SLC26A7: variants seen among roughly 807,000 people sequenced by gnomAD.
The protein encoded by SLC26A7 is anion exchange transporter.
Under a neutral mutation model 82.5 loss-of-function variants are expected in SLC26A7, and 59 were observed. The ratio of observed to expected loss-of-function variants is 0.72; its 90% CI spans 0.58 to 0.89. The LOEUF is 0.89. Ranked by LOEUF, SLC26A7 falls within the 40% of genes least tolerant of loss-of-function variation. SLC26A7 has a pLI of 0.00. For synonymous variants in SLC26A7, 271 were observed against 274.3 expected (o/e 0.99, Z 0.12); for missense variants, 820 against 793.0 (o/e 1.03, Z -0.41).
At chr8:91,389,285 C>A in intron 15 of SLC26A7, 53 bp from the exon 16 acceptor site, 2 of 1,311,496 alleles carry the variant, frequency 1.5e-6, no homozygotes, top group Non-Finnish European at 2.2e-6. Context: ...ACAAAGCCAG[C>A]AGCAGAAGTC....
intron 1 of SLC26A7, among the ~76,000 whole-genome samples, chr8:91,216,888 A>G (rs1342615754): frequency 6.6e-6 from 1 of 152,136 alleles, no homozygotes; most frequent in Non-Finnish European, 1.5e-5. Flanking sequence ...TGTTTCCCCA[A>G]TACAATGTGC....
At chr8:91,370,197 C>CCTT (rs34869127) in intron 15 of SLC26A7, among the ~76,000 whole-genome samples, 68,304 of 147,984 alleles carry the variant, frequency 0.46, 17,425 homozygotes, top group African/African-American at 0.66. Context: ...TCTATTTTCT[C>CCTT]CTCCTTTCTC....
intron 15 of SLC26A7, among the ~76,000 whole-genome samples, chr8:91,384,555 C>G (rs1814747902): frequency 6.6e-6 from 1 of 152,184 alleles, no homozygotes; most frequent in Admixed American, 6.6e-5. Context: ...GTCCATCACA[C>G]AAGGTCTCCT....
chr8:91,265,831 C>T lies in SLC26A7; in HGVS notation c.193+15987C>T, dbSNP rs540144024. Reference sequence around the variant, plus strand: ...AGTTGTTTGAGTTCCTTCTATATTCCGAATATTAACTTCTAGTTAGATGCA... The same window carrying T: ...AGTTGTTTGAGTTCCTTCTATATTCTGAATATTAACTTCTAGTTAGATGCA... On this transcript the variant is annotated intron_variant, in intron 2 of 18. Transcript: ENST00000276609. Among the ~76,000 whole-genome samples, 15 of 151,754 alleles carry T rather than the reference C, an allele frequency of 9.9e-5. No homozygotes were observed. The South Asian group carries it at 2.3e-3, about 23-fold the overall frequency.
At chr8:91,356,612 G>T (rs969944837) in intron 11 of SLC26A7, among the ~76,000 whole-genome samples, 3 of 152,138 alleles carry the variant, frequency 2.0e-5, no homozygotes, top group Non-Finnish European at 2.9e-5. Flanking sequence ...TGAGTTCATT[G>T]TAGATTCTGG....
chr8:91,344,186 C>A, intron 9 of SLC26A7: 2 of 985,324 alleles, frequency 2.0e-6, no homozygotes, highest in Non-Finnish European at 2.4e-6. Context: ...CTTTGATGAT[C>A]TAGGCAACCT....
In SLC26A7 at chr8:91,362,435, C is replaced by T. The variant is rs1353169881; in HGVS notation, c.1397C>T (p.Ala466Val). ...CTGTTTGGTGTTGTTTGTACCATAG[C>T]TATAGTGATAGGACGCTTCCCAAGG... ...GLLFGVVCTI[A>V]IVIGRFPRAM... The change falls in exon 12 of 19, where the codon GCT (alanine) becomes GTT (valine). Residue 466 changes from alanine to valine, a missense_variant. Transcript: ENST00000276609. 1 of 1,613,026 alleles carries T rather than the reference C, an allele frequency of 6.2e-7. No homozygotes were observed. The highest frequency in any genetic ancestry group is 8.5e-7 in the Non-Finnish European group (1 of 1,179,262).
chr8:91,294,533 G>A (rs1811964804), intron 3 of SLC26A7, among the ~76,000 whole-genome samples: 1 of 152,112 alleles, frequency 6.6e-6, no homozygotes, highest in Non-Finnish European at 1.5e-5. Context: ...TTGTCTACAT[G>A]TTGAAAAGGC....
Position 91,263,757 on chromosome 8 carries a change from CTTCT to C in SLC26A7, c.193+13922_193+13925del, listed in dbSNP as rs1811034740. 5.3e-5 allele frequency among the ~76,000 whole-genome samples: 8 copies of C among 152,096 alleles called. No homozygotes were observed. In the South Asian group the frequency reaches 1.7e-3, roughly 32 times the overall value. On this transcript the variant is annotated intron_variant, in intron 2 of 18. Transcript: ENST00000276609. ...TTATGTGATCCTGTAACTTCCAATA[CTTCT>C]TTCTTTCTAAAAACTTCACATGTAA...
chr8:91,295,914 C>T (rs1239769747), intron 4 of SLC26A7, among the ~76,000 whole-genome samples: 1 of 152,134 alleles, frequency 6.6e-6, no homozygotes, highest in African/African-American at 2.4e-5. Flanking sequence ...TGAAGTTACA[C>T]AGAAACAGTT....
intron 1 of SLC26A7, among the ~76,000 whole-genome samples, chr8:91,211,622 T>TG (rs1809925477): frequency 6.9e-6 from 1 of 145,912 alleles, no homozygotes; most frequent in Non-Finnish European, 1.5e-5. Flanking sequence ...ATATATTTTT[T>TG]TTTTATTTTT....
rs1017188006 is a variant in SLC26A7 at position 91,351,730 on chromosome 8, T to C, written c.1141-80T>C. 5 of 870,240 alleles carry C rather than the reference T, an allele frequency of 5.7e-6. No homozygotes were observed. In the South Asian group the frequency reaches 7.0e-5, roughly 12 times the overall value. The allele number at this position is 870,240 out of a possible 1,614,324, so 53.9% of individuals were successfully genotyped here. Reference sequence around the variant, plus strand: ...TCTAATCAAGATAAACTAAGAATTATCCCCCCCACCCCATAACTTTGACAT... The same window carrying C: ...TCTAATCAAGATAAACTAAGAATTACCCCCCCCACCCCATAACTTTGACAT... On this transcript the variant is annotated intron_variant, in intron 9 of 18. Transcript: ENST00000276609.
chr8:91,368,450 A>C (rs1814259730), intron 14 of SLC26A7, among the ~76,000 whole-genome samples: 3 of 147,002 alleles, frequency 2.0e-5, no homozygotes, highest in East Asian at 2.0e-4. Context: ...ACGGAGTCTC[A>C]TACTGTCACC....
chr8:91,353,934 A>G lies in SLC26A7; in HGVS notation c.1314+938A>G, dbSNP rs115310753. 4.1e-3 allele frequency among the ~76,000 whole-genome samples: 625 copies of G among 152,206 alleles called. 4 individuals carry two copies. The highest frequency in any genetic ancestry group is 0.014 in the African/African-American group (569 of 41,556). On this transcript the variant is annotated intron_variant, in intron 11 of 18. Transcript: ENST00000276609. ...AAATTATCATGCAAGACAGGATACA[A>G]CATGACCTGGAAGGAAAAGTAAGAG... is the stretch of plus-strand genomic sequence containing the variant.
chr8:91,249,014 A>G (rs771269898), upstream of SLC26A7, among the ~76,000 whole-genome samples: 1 of 152,182 alleles, frequency 6.6e-6, no homozygotes, highest in Non-Finnish European at 1.5e-5. Flanking sequence ...GACCTTTAGC[A>G]ATGCCCTGTT....
rs545153686 is a variant in SLC26A7, at chr8:91,253,400, T to C, written c.193+3556T>C. On this transcript the variant is annotated intron_variant, in intron 2 of 18. Transcript: ENST00000276609. Reference sequence around the variant, plus strand: ...ATTTTAACTAAGTAGTCTTGTTTCATGGGCCCTGCAGTCGCTGTAATTCTG... The same window carrying C: ...ATTTTAACTAAGTAGTCTTGTTTCACGGGCCCTGCAGTCGCTGTAATTCTG... 2.8e-4 allele frequency among the ~76,000 whole-genome samples: 43 copies of C among 152,264 alleles called. 1 individual carries two copies. Among genetic ancestry groups the C allele is most frequent in the African/African-American group, 9.9e-4 (41 of 41,572 alleles).
chr8:91,295,901 A>G (rs1812004250), intron 4 of SLC26A7, among the ~76,000 whole-genome samples, 198 bp downstream of exon 4: 1 of 152,226 alleles, frequency 6.6e-6, no homozygotes, highest in East Asian at 1.9e-4. Context: ...AGAATCAATA[A>G]ATTGAAGTTA....
chr8:91,252,070 TAGA>T (rs1368610220), intron 2 of SLC26A7, among the ~76,000 whole-genome samples: 1 of 152,132 alleles, frequency 6.6e-6, no homozygotes, highest in Non-Finnish European at 1.5e-5. Context: ...TAAGGAAAAT[TAGA>T]AGAAAGAGGG....
Position 91,334,629 on chromosome 8 carries a change from T to A in SLC26A7, c.795+182T>A, listed in dbSNP as rs558437616. Among the ~76,000 whole-genome samples the A allele has an allele frequency of 5.9e-5, 9 of 152,268 alleles. No individual in the cohort carries two copies. The East Asian group carries it at 1.7e-3, about 29-fold the overall frequency. ...AACAGGAAACATTTTGAGTTAATAA[T>A]TTAAAAAAGAAGGCACACATGTTTT... On this transcript the variant is annotated intron_variant, in intron 6 of 18. Transcript: ENST00000276609.
Sources: gnomAD v4.1 joint callset for allele counts (sites outside exome capture counted in the v4.1 genomes callset) on GRCh38, gnomAD v4.1.1 for gene constraint, MANE v1.5 for transcripts, NCBI Gene and HGNC (gene_info 2026-07-23, HGNC 2026-07-21) for gene names.